CYP4F11: variants seen among roughly 807,000 people sequenced by gnomAD.
CYP4F11 encodes cytochrome P450 family 4 subfamily F member 11.
In CYP4F11, 79 loss-of-function variants were observed where a neutral mutation model predicts 62.2. That is an observed-to-expected ratio of 1.27 (90% confidence interval 1.06 to 1.53). The LOEUF (loss-of-function observed/expected upper bound fraction) is 1.53, where lower values mean the gene tolerates loss of function less well. Ranked by LOEUF, CYP4F11 falls within the 40% of genes most tolerant of loss-of-function variation. The probability of loss-of-function intolerance (pLI) is 0.00; values close to 1 mark genes in which losing one functional copy is unlikely to be tolerated. For synonymous variants in CYP4F11, 290 were observed against 263.7 expected (o/e 1.10, Z -0.97); for missense variants, 777 against 680.5 (o/e 1.14, Z -1.58).
At position 15,934,430 on chromosome 19, in the gene CYP4F11, A is replaced by C; in HGVS notation, c.-22T>G. On this transcript the variant is annotated 5_prime_UTR_variant, in exon 1 of 12. Transcript: ENST00000402119. Reference sequence around the variant, plus strand: ...GCATCCTGCAGGGCAGACGGGATGGAGGGTGGGATCCTGAGGCCCAGGGAA... The same window carrying C: ...GCATCCTGCAGGGCAGACGGGATGGCGGGTGGGATCCTGAGGCCCAGGGAA... 2 of 1,610,550 alleles carry C rather than the reference A, an allele frequency of 1.2e-6. No individual in the cohort carries two copies. The highest frequency in any genetic ancestry group is 1.7e-6 in the Non-Finnish European group (2 of 1,178,786).
intron 8 of CYP4F11, among the ~76,000 whole-genome samples, chr19:15,915,109 G>C (rs12977516): frequency 0.41 from 61,954 of 151,988 alleles, 13,529 homozygotes; most frequent in Non-Finnish European, 0.48. Flanking sequence ...AGATTATTCT[G>C]AGGAAAACAC....
chr19:15,914,282 C>A (rs756231818), intron 11 of CYP4F11, 23 bp downstream of exon 11: 3 of 1,611,726 alleles, frequency 1.9e-6, no homozygotes, highest in Non-Finnish European at 2.5e-6. Context: ...GCCATCTCTG[C>A]CTCAGACACA....
In CYP4F11 at chr19:15,912,446, G is replaced by A. The variant is rs1316667046; in HGVS notation, c.*1286C>T. 1 of 151,992 alleles carries A rather than the reference G, an allele frequency of 6.6e-6. No homozygotes were observed. The highest frequency in any genetic ancestry group is 1.5e-5 in the Non-Finnish European group (1 of 68,014). 9.4% of individuals were successfully genotyped at this position (151,992 alleles called of 1,614,324 possible). A position where few individuals can be genotyped will look rare whatever the true frequency, so the allele number is the denominator to read the frequency against. On this transcript the variant is annotated 3_prime_UTR_variant, in exon 12 of 12. Transcript: ENST00000402119. ...GATGGTCCCAAATAAAAAATATAAT[G>A]TATTTGGAGATCAGAATCAAGGCCA...
chr19:15,916,665 A>T (rs534964568), intron 8 of CYP4F11, among the ~76,000 whole-genome samples: 2 of 152,314 alleles, frequency 1.3e-5, no homozygotes, highest in East Asian at 1.9e-4. Flanking sequence ...GTGAACAAAC[A>T]TATTTAAAAA....
Position 15,919,147 on chromosome 19 carries a change from A to G in CYP4F11, c.1115+2890T>C, listed in dbSNP as rs191981455. ...ATTATAATTTAATAATTAGGAATAT[A>G]TATAGTATATATGGAAATATATATT... On this transcript the variant is annotated intron_variant, in intron 8 of 11. Transcript: ENST00000402119. 1.3e-4 allele frequency among the ~76,000 whole-genome samples: 20 copies of G among 148,362 alleles called. No homozygotes were observed. In the East Asian group the frequency reaches 3.3e-3, roughly 25 times the overall value.
At chr19:15,934,134 C>G (rs2089756195) in intron 1 of CYP4F11, 77 bp downstream of exon 1, 3 of 1,516,146 alleles carry the variant, frequency 2.0e-6, no homozygotes, top group African/African-American at 1.4e-5. Context: ...CAAAACCCAG[C>G]TCCCTGAGCC....
Position 15,913,635 on chromosome 19 carries a change from C to A in CYP4F11, c.*97G>T. The A allele has an allele frequency of 1.3e-6, 2 of 1,491,314 alleles. No individual in the cohort carries two copies. The highest frequency in any genetic ancestry group is 1.4e-5 in the African/African-American group (1 of 73,008). 92.4% of individuals were successfully genotyped at this position (1,491,314 alleles called of 1,614,324 possible). A position where few individuals can be genotyped will look rare whatever the true frequency, so the allele number is the denominator to read the frequency against. On this transcript the variant is annotated 3_prime_UTR_variant, in exon 12 of 12. Transcript: ENST00000402119. ...CCCTTTCTTAGATCCCACCAGTCCCCAGGAGCCCCATGCTGGCTGTCAACG... is the reference window on the plus strand; with the variant it reads ...CCCTTTCTTAGATCCCACCAGTCCCAAGGAGCCCCATGCTGGCTGTCAACG...
At position 15,929,611 on chromosome 19, in the gene CYP4F11, A is replaced by T. The variant is rs1445040294; in HGVS notation, c.199-10T>A. ...CTTCCGTGGGAGTGACCTGAAAACA[A>T]GGCAGAGGCCGTCAGCCCTTGTGAT... On this transcript the variant is annotated splice_polypyrimidine_tract_variant and intron_variant, in intron 1 of 11. Transcript: ENST00000402119. The T allele has an allele frequency of 2.5e-6, 4 of 1,581,500 alleles. No individual in the cohort carries two copies. The highest frequency in any genetic ancestry group is 3.4e-6 in the Non-Finnish European group (4 of 1,162,530).
chr19:15,912,668 GAAAAAA>G lies in CYP4F11; in HGVS notation c.*1058_*1063del, dbSNP rs71178625. The G allele has an allele frequency of 5.0e-5, 3 of 59,796 alleles. No individual in the cohort carries two copies. Among genetic ancestry groups the G allele is most frequent in the Admixed American group, 1.9e-4 (1 of 5,400 alleles). The allele number at this position is 59,796 out of a possible 1,614,324, so 3.7% of individuals were successfully genotyped here. On this transcript the variant is annotated 3_prime_UTR_variant, in exon 12 of 12. Coordinates refer to ENST00000402119, the MANE Select transcript of CYP4F11 (RefSeq NM_021187.4). ...AGTCAGGTACCTTCACCATCCTCAG[GAAAAAA>G]AAAAAAATATATATATATATATATG...
chr19:15,927,401 C>T (rs763327816), intron 3 of CYP4F11, 29 bp downstream of exon 3: 11 of 1,614,096 alleles, frequency 6.8e-6, no homozygotes, highest in Non-Finnish European at 9.3e-6. Flanking sequence ...TAAAGGATAT[C>T]CCCAACCCCA....
intron 8 of CYP4F11, 145 bp downstream of exon 8, chr19:15,921,892 G>C: frequency 9.9e-7 from 1 of 1,011,882 alleles, no homozygotes; most frequent in South Asian, 3.4e-5. Context: ...TGGCCTGGCT[G>C]TGTATTAAGC....
In CYP4F11 at chr19:15,922,459, C is replaced by T. The variant is rs769659699; in HGVS notation, c.919-29G>A. The stretch of plus-strand genomic sequence containing the variant: ...GAGAGAAGGCAAGACAATATCCCTG[C>T]CCCAAATCACACCAGCTCTGAAGGC... On this transcript the variant is annotated intron_variant, in intron 6 of 11. Transcript: ENST00000402119. 1.4e-5 allele frequency: 22 copies of T among 1,606,712 alleles called. No homozygotes were observed. The South Asian group carries it at 2.3e-4, about 17-fold the overall frequency.
At chr19:15,933,972 A>C (rs190298198) in intron 1 of CYP4F11, among the ~76,000 whole-genome samples, 1 of 68,150 alleles carries the variant, frequency 1.5e-5, no homozygotes. Context: ...GGGGAGAGGA[A>C]TGAGTGAGCG....
At chr19:15,914,420 G>A (rs2089565593) in intron 10 of CYP4F11, 33 bp from the exon 11 acceptor site, 1 of 1,600,234 alleles carries the variant, frequency 6.2e-7, no homozygotes, top group African/African-American at 1.3e-5. Flanking sequence ...TTGCTGGGTG[G>A]GGTCACCCAG....
chr19:15,924,230 A>G lies in CYP4F11; in HGVS notation c.648-148T>C, dbSNP rs535931295. ...CAAACTCTCTTCTCTGAGGCATTCCATCTCTGAGAGCTGCCTCCATGCACC... is the reference window on the plus strand; with the variant it reads ...CAAACTCTCTTCTCTGAGGCATTCCGTCTCTGAGAGCTGCCTCCATGCACC... On this transcript the variant is annotated intron_variant, in intron 5 of 11. Coordinates refer to ENST00000402119, the MANE Select transcript of CYP4F11 (RefSeq NM_021187.4). The G allele has an allele frequency of 2.8e-4, 282 of 1,019,154 alleles. 1 individual carries two copies. In the African/African-American group the frequency reaches 3.9e-3, roughly 14 times the overall value. The allele number at this position is 1,019,154 out of a possible 1,614,324, so 63.1% of individuals were successfully genotyped here.
chr19:15,934,484 A>G lies in CYP4F11; in HGVS notation c.-76T>C, dbSNP rs2305800. ...CCCAGGAAGCTCCAAGGACAGTGGA[A>G]AGGGGCAAGGATGGGCAGTGCTGGA... On this transcript the variant is annotated 5_prime_UTR_variant, in exon 1 of 12. Coordinates refer to ENST00000402119, the MANE Select transcript of CYP4F11 (RefSeq NM_021187.4). 341,176 of 1,539,320 alleles carry G rather than the reference A, an allele frequency of 0.22. 39,337 individuals are homozygous for G. The highest frequency in any genetic ancestry group is 0.24 in the Middle Eastern group (1,072 of 4,518).
rs774901917 is a variant in CYP4F11, at chr19:15,934,278, T to C, written c.131A>G (p.Asn44Ser). ...AGGAAAACACTGGAGGCGGCGGCAGTTGTCATAGAAGGTGTAGGTCCAGGC... is the reference window on the plus strand; with the variant it reads ...AGGAAAACACTGGAGGCGGCGGCAGCTGTCATAGAAGGTGTAGGTCCAGGC... ...VLAWTYTFYD[N>S]CRRLQCFPQP... Residue 44 changes from asparagine (N) to serine (S), a missense_variant, in exon 1 of 12, where the codon AAC (asparagine) becomes AGC (serine). Physicochemically the swap from Asn to Ser is conservative, Grantham distance 46. Transcript: ENST00000402119. The C allele has an allele frequency of 3.1e-6, 5 of 1,613,642 alleles. No homozygotes were observed. In the East Asian group the frequency reaches 8.9e-5, roughly 29 times the overall value.
Position 15,923,798 on chromosome 19 carries a change from C to T in CYP4F11, c.918+14G>A. On this transcript the variant is annotated intron_variant, in intron 6 of 11. Transcript: ENST00000402119. ...CCACTCTATTACTTGAATTCACATCCCAGAGAAGCCTACCTTGCTCAGCAG... is the reference window on the plus strand; with the variant it reads ...CCACTCTATTACTTGAATTCACATCTCAGAGAAGCCTACCTTGCTCAGCAG... 1.2e-6 allele frequency: 2 copies of T among 1,606,334 alleles called. No individual in the cohort carries two copies. Among genetic ancestry groups the T allele is most frequent in the Non-Finnish European group, 1.7e-6 (2 of 1,174,204 alleles).
At chr19:15,924,177 C>A in intron 5 of CYP4F11, 95 bp from the exon 6 acceptor site, 1 of 1,434,868 alleles carries the variant, frequency 7.0e-7, no homozygotes, top group Non-Finnish European at 9.5e-7. Flanking sequence ...AATTGAGTAT[C>A]CAGAAACAGC....
Sources: allele counts gnomAD v4.1 joint callset (sites outside exome capture counted in the v4.1 genomes callset), GRCh38; gene constraint gnomAD v4.1.1; transcripts MANE v1.5; gene names NCBI Gene and HGNC (gene_info 2026-07-23, HGNC 2026-07-21).